The following ZNF207 variants were observed in gnomAD, a reference collection of about 807,000 sequenced individuals.
The protein encoded by ZNF207 is zinc finger protein 207, also known as BUB3-interacting and GLEBS motif-containing protein ZNF207.
A neutral mutation model predicts 60.2 loss-of-function variants in ZNF207; 24 were observed. The ratio of observed to expected loss-of-function variants is 0.40; its 90% CI spans 0.29 to 0.56. ZNF207 has a LOEUF of 0.56. Among genes scored for constraint, ZNF207 ranks in the 20% least tolerant of loss-of-function variants. The probability of loss-of-function intolerance (pLI) is 0.49; values close to 1 mark genes in which losing one functional copy is unlikely to be tolerated. For synonymous variants in ZNF207, 236 were observed against 194.7 expected (o/e 1.21, Z -1.77); for missense variants, 452 against 636.6 (o/e 0.71, Z 3.12).
intron 10 of ZNF207, 75 bp downstream of exon 10, chr17:32,368,089 T>C (rs1905284633): frequency 6.4e-7 from 1 of 1,573,508 alleles, no homozygotes; most frequent in African/African-American, 1.4e-5. Context: ...TTAAAATAAG[T>C]GTTCATTTGT....
chr17:32,361,280 T>A, intron 5 of ZNF207, 188 bp from the exon 6 acceptor site: 1 of 578,342 alleles, frequency 1.7e-6, no homozygotes, highest in South Asian at 2.5e-5. Context: ...ACTTTGTAGT[T>A]GTGACAAGAA....
chr17:32,359,797 C>T (rs1904751706), intron 3 of ZNF207, among the ~76,000 whole-genome samples: 2 of 151,950 alleles, frequency 1.3e-5, no homozygotes, highest in African/African-American at 4.8e-5. Flanking sequence ...ATAGTCTAAG[C>T]TGAGGTGGGA....
chr17:32,380,958 A>G lies in ZNF207; in HGVS notation c.*11199A>G, dbSNP rs1188019663. 6.7e-6 allele frequency: 1 copy of G among 150,276 alleles called. No homozygotes were observed. Among genetic ancestry groups the G allele is most frequent in the Non-Finnish European group, 1.5e-5 (1 of 67,470 alleles). 9.3% of individuals were successfully genotyped at this position (150,276 alleles called of 1,614,324 possible). On this transcript the variant is annotated 3_prime_UTR_variant, in exon 12 of 12. Coordinates refer to ENST00000394670, the MANE Select transcript of ZNF207 (RefSeq NM_001098507.2). ...GGTGACAGAGCGAGACTCCGTCTCA[A>G]AAAAAAAAAGAAAAAAAGAAAAAGT...
At chr17:32,356,968 G>A (rs1050956745) in intron 2 of ZNF207, among the ~76,000 whole-genome samples, 4 of 152,202 alleles carry the variant, frequency 2.6e-5, no homozygotes, top group Admixed American at 6.5e-5. Context: ...GATCCCTTGA[G>A]TTCAGGAGTT....
chr17:32,352,283 T>C (rs1306270977), intron 2 of ZNF207, among the ~76,000 whole-genome samples: 1 of 152,150 alleles, frequency 6.6e-6, no homozygotes, highest in Non-Finnish European at 1.5e-5. Context: ...AGAATAATCA[T>C]TTATTTCTCT....
At position 32,374,385 on chromosome 17, in the gene ZNF207, T is replaced by G. The variant is rs1905601621; in HGVS notation, c.*4626T>G. On this transcript the variant is annotated 3_prime_UTR_variant, in exon 12 of 12. Coordinates refer to ENST00000394670, the MANE Select transcript of ZNF207 (RefSeq NM_001098507.2). Reference sequence around the variant, plus strand: ...GGTGCTTGCCACCACACCCGGCTAATTTTTTGTATTTTTAGTAGAGACGGG... The same window carrying G: ...GGTGCTTGCCACCACACCCGGCTAAGTTTTTGTATTTTTAGTAGAGACGGG... The G allele has an allele frequency of 6.6e-6, 1 of 151,720 alleles. No individual in the cohort carries two copies. Among genetic ancestry groups the G allele is most frequent in the African/African-American group, 2.4e-5 (1 of 41,112 alleles). The allele number at this position is 151,720 out of a possible 1,614,324, so 9.4% of individuals were successfully genotyped here. A position where few individuals can be genotyped will look rare whatever the true frequency, so the allele number is the denominator to read the frequency against.
chr17:32,365,738 G>GTTTTT (rs60104494), intron 8 of ZNF207: 6 of 134,102 alleles, frequency 4.5e-5, no homozygotes, highest in Non-Finnish European at 9.3e-5. Flanking sequence ...TTTATTCTTA[G>GTTTTT]TTTTTTTTTT....
At chr17:32,368,184 T>G in intron 10 of ZNF207, 170 bp downstream of exon 10, 1 of 946,742 alleles carries the variant, frequency 1.1e-6, no homozygotes, top group Non-Finnish European at 1.5e-6. Context: ...ATACTTAAAG[T>G]GGACAGATAT....
rs779775314 is a variant in ZNF207 at position 32,363,032 on chromosome 17, C to A, written c.670+48C>A. 9.7e-6 allele frequency: 15 copies of A among 1,552,036 alleles called. No homozygotes were observed. In the South Asian group the frequency reaches 1.7e-4, roughly 17 times the overall value. ...TTAATATGATGTACAGGCTTTATTT[C>A]TAAGTTTTTTTAGACGTCTGTGGGC... is the stretch of plus-strand genomic sequence containing the variant. On this transcript the variant is annotated intron_variant, in intron 7 of 11. Coordinates refer to ENST00000394670, the MANE Select transcript of ZNF207 (RefSeq NM_001098507.2).
Position 32,373,990 on chromosome 17 carries a change from G to A in ZNF207, c.*4231G>A, listed in dbSNP as rs147995779. On this transcript the variant is annotated 3_prime_UTR_variant, in exon 12 of 12. Coordinates refer to ENST00000394670, the MANE Select transcript of ZNF207 (RefSeq NM_001098507.2). Reference sequence around the variant, plus strand: ...CGGTTCACTGCAACCTCTGCCTCCCGGATTCAAGTGATTCTCCTGCCTCAG... The same window carrying A: ...CGGTTCACTGCAACCTCTGCCTCCCAGATTCAAGTGATTCTCCTGCCTCAG... 0.022 allele frequency: 3,402 copies of A among 152,234 alleles called. 55 individuals carry two copies. Among genetic ancestry groups the A allele is most frequent in the Non-Finnish European group, 0.036 (2,463 of 68,100 alleles). The allele number at this position is 152,234 out of a possible 1,614,324, so 9.4% of individuals were successfully genotyped here.
intron 8 of ZNF207, among the ~76,000 whole-genome samples, chr17:32,366,033 T>C (rs537353294): frequency 6.6e-6 from 1 of 152,228 alleles, no homozygotes; most frequent in Non-Finnish European, 1.5e-5. Flanking sequence ...AAGTGAAAGA[T>C]GCTTCTGTTC....
At position 32,367,269 on chromosome 17, in the gene ZNF207, ATATATATATATAT is replaced by A. The variant is rs1567824988; in HGVS notation, c.922-502_922-490del. Among the ~76,000 whole-genome samples the A allele has an allele frequency of 2.5e-3, 273 of 110,306 alleles. 10 individuals are homozygous for A. Among genetic ancestry groups the A allele is most frequent in the African/African-American group, 5.8e-3 (161 of 27,928 alleles). 72.4% of individuals were successfully genotyped at this position (110,306 alleles called of 152,430 possible). ...TATATATATATATATATATATATAT[ATATATATATATAT>A]ATAAAGAATACTACTAAAGGATGTA... is the stretch of plus-strand genomic sequence containing the variant. On this transcript the variant is annotated intron_variant, in intron 9 of 11. Coordinates refer to ENST00000394670, the MANE Select transcript of ZNF207 (RefSeq NM_001098507.2).
chr17:32,369,106 T>C, intron 10 of ZNF207, 189 bp from the exon 11 acceptor site: 2 of 536,520 alleles, frequency 3.7e-6, no homozygotes. Context: ...AGTTTACAAA[T>C]AGGTGAAGTT....
At chr17:32,351,385 C>A in intron 1 of ZNF207, 2 of 1,097,710 alleles carry the variant, frequency 1.8e-6, no homozygotes, top group Non-Finnish European at 2.3e-6. Flanking sequence ...CCAGTTATTG[C>A]TATCGTCTTC....
rs1905340020 is a variant in ZNF207 at position 32,369,051 on chromosome 17, G to C, written c.1165-244G>C. 4 of 453,614 alleles carry C rather than the reference G, an allele frequency of 8.8e-6. No homozygotes were observed. The Admixed American group carries it at 1.1e-4, about 13-fold the overall frequency. The allele number at this position is 453,614 out of a possible 1,614,324, so 28.1% of individuals were successfully genotyped here. The stretch of plus-strand genomic sequence containing the variant: ...ACAATACTTCATTAGATAGTTTCTT[G>C]TTGAAGCAATTTGTAATTCCCGGAA... On this transcript the variant is annotated intron_variant, in intron 10 of 11. Transcript: ENST00000394670.
Position 32,371,833 on chromosome 17 carries a change from A to G in ZNF207, c.*2074A>G, listed in dbSNP as rs771215529. 3 of 152,242 alleles carry G rather than the reference A, an allele frequency of 2.0e-5. No homozygotes were observed. The highest frequency in any genetic ancestry group is 2.1e-4 in the South Asian group (1 of 4,836). 9.4% of individuals were successfully genotyped at this position (152,242 alleles called of 1,614,324 possible). On this transcript the variant is annotated 3_prime_UTR_variant, in exon 12 of 12. Coordinates refer to ENST00000394670, the MANE Select transcript of ZNF207 (RefSeq NM_001098507.2). ...AATTTTCATAGTTTGAAAATAAAACAGGTATTTTGCCAGTAATGTATTTCT... is the reference window on the plus strand; with the variant it reads ...AATTTTCATAGTTTGAAAATAAAACGGGTATTTTGCCAGTAATGTATTTCT...
intron 2 of ZNF207, among the ~76,000 whole-genome samples, chr17:32,357,335 TATTA>T (rs1904570374): frequency 5.4e-5 from 5 of 92,898 alleles, no homozygotes; most frequent in African/African-American, 2.1e-4. Context: ...TTATTATTAT[TATTA>T]TTATTATTAT....
intron 1 of ZNF207, chr17:32,350,784 T>A (rs1195994542): frequency 6.5e-6 from 1 of 154,236 alleles, no homozygotes; most frequent in Non-Finnish European, 1.4e-5. Context: ...TGTGTTTATT[T>A]TTTCGAATTG....
In ZNF207 at chr17:32,369,470, T is replaced by G; in HGVS notation, c.1324+16T>G. On this transcript the variant is annotated intron_variant, in intron 11 of 11. Transcript: ENST00000394670. Reference sequence around the variant, plus strand: ...CCACCTCATGGTATTCCTCTTTTTATGTTTTTCATATTTAGTGGATTTTCT... The same window carrying G: ...CCACCTCATGGTATTCCTCTTTTTAGGTTTTTCATATTTAGTGGATTTTCT... 1 of 1,611,284 alleles carries G rather than the reference T, an allele frequency of 6.2e-7. No homozygotes were observed. Among genetic ancestry groups the G allele is most frequent in the Non-Finnish European group, 8.5e-7 (1 of 1,178,004 alleles).
Sources: allele counts gnomAD v4.1 joint callset (sites outside exome capture counted in the v4.1 genomes callset), GRCh38; gene constraint gnomAD v4.1.1; transcripts MANE v1.5; gene names NCBI Gene and HGNC (gene_info 2026-07-23, HGNC 2026-07-21).